SNX29: variants seen among roughly 807,000 people sequenced by gnomAD.
SNX29 encodes the protein sorting nexin 29, also known as sorting nexin-29.
SNX29 carries 78 observed loss-of-function variants against 102.1 expected under a neutral mutation model. The ratio of observed to expected loss-of-function variants is 0.76; its 90% confidence interval spans 0.64 to 0.92. The LOEUF (loss-of-function observed/expected upper bound fraction) is 0.92, where lower values mean the gene tolerates loss of function less well. Among genes scored for constraint, SNX29 ranks in the 40% least tolerant of loss-of-function variants. The pLI, the probability that SNX29 is intolerant of heterozygous loss-of-function variation, is 0.00. For missense variants in SNX29, 1,280 were observed against 1,061.7 expected (o/e 1.21, Z -2.86); for synonymous variants, 580 against 414.5 (o/e 1.40, Z -4.85).
At chr16:12,022,681 CCTTGA>C (rs2057064470) in intron 3 of SNX29, among the ~76,000 whole-genome samples, 1 of 152,118 alleles carries the variant, frequency 6.6e-6, no homozygotes, top group Admixed American at 6.5e-5. Context: ...TCCAAATGTT[CCTTGA>C]CTTATGATGG....
intron 16 of SNX29, among the ~76,000 whole-genome samples, chr16:12,392,661 A>G (rs1597211906): frequency 1.3e-5 from 2 of 152,244 alleles, no homozygotes; most frequent in African/African-American, 4.8e-5. Context: ...AGTGCTGCCC[A>G]GAGGATAAAA....
intron 15 of SNX29, among the ~76,000 whole-genome samples, chr16:12,279,198 T>G (rs1369190505): frequency 3.3e-5 from 5 of 152,184 alleles, no homozygotes; most frequent in African/African-American, 9.7e-5. Flanking sequence ...ATTTTGATAA[T>G]CAAGAAGACA....
In SNX29 at chr16:12,569,633, C is replaced by T. The variant is rs759633877; in HGVS notation, c.*1004C>T. The T allele has an allele frequency of 5.1e-3, 867 of 171,490 alleles. 4 individuals carry two copies. Among genetic ancestry groups the T allele is most frequent in the Non-Finnish European group, 7.8e-3 (712 of 90,810 alleles). 10.6% of individuals were successfully genotyped at this position (171,490 alleles called of 1,614,324 possible). A position where few individuals can be genotyped will look rare whatever the true frequency, so the allele number is the denominator to read the frequency against. ...CCTTGATAACAGAACTCTGCATCCC[C>T]TAAGACAGAGTCCTCTGTTCCTCCC... On this transcript the variant is annotated 3_prime_UTR_variant, in exon 21 of 21. Transcript: ENST00000566228.
chr16:12,264,791 G>A (rs2078878905), intron 14 of SNX29, among the ~76,000 whole-genome samples: 1 of 151,784 alleles, frequency 6.6e-6, no homozygotes, highest in Non-Finnish European at 1.5e-5. Context: ...AGCTTCACAG[G>A]TTTAGGATGA....
intron 14 of SNX29, among the ~76,000 whole-genome samples, chr16:12,268,000 G>A (rs1025164664): frequency 6.6e-5 from 10 of 152,058 alleles, no homozygotes; most frequent in Non-Finnish European, 1.3e-4. Flanking sequence ...GTGGGTGCCC[G>A]CCCCAGGCCC....
At chr16:12,509,911 C>A (rs1387024991) in intron 19 of SNX29, among the ~76,000 whole-genome samples, 1 of 152,244 alleles carries the variant, frequency 6.6e-6, no homozygotes, top group East Asian at 1.9e-4. Flanking sequence ...GGCAGCTGCT[C>A]CAATAGCCTC....
chr16:12,360,324 C>A (rs1333719246), intron 16 of SNX29, among the ~76,000 whole-genome samples: 1 of 152,090 alleles, frequency 6.6e-6, no homozygotes, highest in East Asian at 1.9e-4. Context: ...TCTTTTTTCC[C>A]TTGTCTTTTT....
At chr16:12,112,128 C>G (rs1409284309) in intron 11 of SNX29, among the ~76,000 whole-genome samples, 1 of 152,144 alleles carries the variant, frequency 6.6e-6, no homozygotes, top group Non-Finnish European at 1.5e-5. Flanking sequence ...CTGGGTGAAG[C>G]TGGGTCAACT....
intron 3 of SNX29, among the ~76,000 whole-genome samples, chr16:12,009,449 GTGTGTATATA>G (rs2056573126): frequency 7.2e-6 from 1 of 139,720 alleles, no homozygotes; most frequent in African/African-American, 2.7e-5. Flanking sequence ...TTATATGTGT[GTGTGTATATA>G]TGTGTGTGTG....
chr16:12,282,083 CAAAAAAAAAAAAAA>C (rs758827865), intron 15 of SNX29, among the ~76,000 whole-genome samples: 1 of 62,050 alleles, frequency 1.6e-5, no homozygotes, highest in Non-Finnish European at 2.9e-5. Flanking sequence ...GACTCCATCT[CAAAAAAAAAAAAAA>C]AAAAAAAAAA....
chr16:12,531,877 C>T (rs960666779), intron 20 of SNX29, among the ~76,000 whole-genome samples: 11 of 152,206 alleles, frequency 7.2e-5, no homozygotes, highest in African/African-American at 2.4e-4. Flanking sequence ...AGGCATGCCT[C>T]AGGAAATGTA....
At chr16:12,158,458 C>A (rs978448927) in intron 13 of SNX29, among the ~76,000 whole-genome samples, 2 of 152,214 alleles carry the variant, frequency 1.3e-5, no homozygotes, top group African/African-American at 2.4e-5. Flanking sequence ...CCTCGGCCTC[C>A]CAAAGTGCTG....
At chr16:12,257,472 C>G (rs2078607637) in intron 14 of SNX29, among the ~76,000 whole-genome samples, 1 of 151,484 alleles carries the variant, frequency 6.6e-6, no homozygotes, top group Non-Finnish European at 1.5e-5. Flanking sequence ...GCATGGGCAT[C>G]TTTGGGGGCC....
intron 15 of SNX29, among the ~76,000 whole-genome samples, chr16:12,321,957 A>G (rs1567436213): frequency 6.6e-6 from 1 of 152,084 alleles, no homozygotes; most frequent in African/African-American, 2.4e-5. Context: ...GCTGACTCAA[A>G]CATCAAAGCA....
At chr16:12,447,165 C>CAAAAAAAAAAAAA (rs59942122) in intron 18 of SNX29, among the ~76,000 whole-genome samples, 4 of 43,916 alleles carry the variant, frequency 9.1e-5, no homozygotes, top group Non-Finnish European at 1.1e-4. Flanking sequence ...GACTCTGTCT[C>CAAAAAAAAAAAAA]AAAAAAAAAA....
Position 12,536,684 on chromosome 16 carries a change from A to T in SNX29, c.2318+11843A>T, listed in dbSNP as rs931021540. On this transcript the variant is annotated intron_variant, in intron 20 of 20. Transcript: ENST00000566228. ...GATCCAGGGAAGAGCTGGTATTAAGAGGTGTTCAGGGGGCTGGACGTGGTG... is the reference window on the plus strand; with the variant it reads ...GATCCAGGGAAGAGCTGGTATTAAGTGGTGTTCAGGGGGCTGGACGTGGTG... Among the ~76,000 whole-genome samples, 72 of 152,170 alleles carry T rather than the reference A, an allele frequency of 4.7e-4. 5 individuals carry two copies. The highest frequency in any genetic ancestry group is 1.5e-5 in the Non-Finnish European group (1 of 68,026).
chr16:12,451,038 A>ACC (rs2086278823), intron 18 of SNX29, among the ~76,000 whole-genome samples: 1 of 152,090 alleles, frequency 6.6e-6, no homozygotes, highest in African/African-American at 2.4e-5. Flanking sequence ...CAGAATATGC[A>ACC]CCTTCTACAA....
In SNX29 at chr16:12,572,917, G is replaced by GGAGT. The variant is rs2079218483; in HGVS notation, c.*4290_*4293dup. 2 of 983,924 alleles carry GGAGT rather than the reference G, an allele frequency of 2.0e-6. No individual in the cohort carries two copies. Among genetic ancestry groups the GGAGT allele is most frequent in the East Asian group, 5.1e-5 (1 of 19,484 alleles). 60.9% of individuals were successfully genotyped at this position (983,924 alleles called of 1,614,324 possible). A position where few individuals can be genotyped will look rare whatever the true frequency, so the allele number is the denominator to read the frequency against. ...TTTCGCTCGGAATCACGGCAGACTT[G>GGAGT]GAGTGTTTCTTCAAGGCAGGCATCT... On this transcript the variant is annotated 3_prime_UTR_variant, in exon 21 of 21. Transcript: ENST00000566228.
chr16:12,045,693 G>A (rs1019560030), intron 5 of SNX29, among the ~76,000 whole-genome samples: 1 of 150,934 alleles, frequency 6.6e-6, no homozygotes, highest in South Asian at 2.1e-4. Context: ...GTACAGTGGC[G>A]CGATCTCTGC....
Sources: gnomAD v4.1 joint callset for allele counts (sites outside exome capture counted in the v4.1 genomes callset) on GRCh38, gnomAD v4.1.1 for gene constraint, MANE v1.5 for transcripts, NCBI Gene and HGNC (gene_info 2026-07-23, HGNC 2026-07-21) for gene names.